The following SYNE1 variants were observed in gnomAD, a reference collection of about 807,000 sequenced individuals.
SYNE1 encodes the protein nesprin-1.
In SYNE1, 616 loss-of-function variants were observed where a neutral mutation model predicts 1,111.0. The ratio of observed to expected loss-of-function variants is 0.55; its 90% CI spans 0.52 to 0.59. The LOEUF (loss-of-function observed/expected upper bound fraction) is 0.59. Ranked by LOEUF, SYNE1 falls within the 20% of genes least tolerant of loss-of-function variation. The pLI, the probability that SYNE1 is intolerant of heterozygous loss-of-function variation, is 0.00. For missense variants in SYNE1, 10,006 were observed against 10,417.0 expected (o/e 0.96, Z 1.72); for synonymous variants, 3,855 against 3,825.8 (o/e 1.01, Z -0.28).
chr6:152,295,680 G>A (rs1753307338), intron 93 of SYNE1, among the ~76,000 whole-genome samples: 1 of 151,884 alleles, frequency 6.6e-6, no homozygotes, highest in South Asian at 2.1e-4. Flanking sequence ...AATCCAAGCT[G>A]TCAAGGAGAT....
At chr6:152,329,616 G>A in intron 78 of SYNE1, 114 bp downstream of exon 78, 2 of 1,324,078 alleles carry the variant, frequency 1.5e-6, no homozygotes, top group Non-Finnish European at 2.1e-6. Context: ...CTTCTGTGTA[G>A]TATTTCGAAA....
In SYNE1 at chr6:152,387,155, C is replaced by T. The variant is rs746592797; in HGVS notation, c.8404G>A (p.Glu2802Lys). The change falls in exon 54 of 146, where the codon GAA becomes AAA. Residue 2802 changes from glutamate to lysine, a missense_variant. By Grantham distance (56) the Glu-to-Lys change is moderately conservative. Around this residue, in one of 7 missense-constraint regions of SYNE1, gnomAD observed 4,955 missense variants for 5,017.2 expected, o/e 0.99. Transcript: ENST00000367255. The stretch of plus-strand genomic sequence containing the variant: ...TTGAAAGACTCATCCTCTGTCTTTT[C>T]GTAGAGCTCCCTGGACTTCGCAATT... The part of the protein sequence containing the change: ...RLIAKSRELY[E>K]KTEDESFKDT... 1.7e-5 allele frequency: 28 copies of T among 1,614,186 alleles called. No homozygotes were observed. The South Asian group carries it at 1.9e-4, about 11-fold the overall frequency.
intron 53 of SYNE1, among the ~76,000 whole-genome samples, chr6:152,389,364 C>G (rs574337995): frequency 6.6e-6 from 1 of 152,268 alleles, no homozygotes; most frequent in African/African-American, 2.4e-5. Context: ...CCACCTTCCA[C>G]CCTCAAGGAG....
chr6:152,496,648 C>A (rs1290541389), intron 11 of SYNE1, among the ~76,000 whole-genome samples: 20 of 152,102 alleles, frequency 1.3e-4, no homozygotes, highest in Admixed American at 1.3e-3. Flanking sequence ...TCAGCCCAAT[C>A]CTGCTCGAAG....
At chr6:152,478,445 T>G (rs2098847904) in intron 14 of SYNE1, 1 of 152,142 alleles carries the variant, frequency 6.6e-6, no homozygotes, top group South Asian at 2.1e-4. Context: ...AGGACAGGAA[T>G]TACCTTTTGG....
At chr6:152,179,840 A>G (rs564637427) in intron 129 of SYNE1, among the ~76,000 whole-genome samples, 15 of 151,648 alleles carry the variant, frequency 9.9e-5, no homozygotes. Flanking sequence ...GCGCACCACC[A>G]CGCCAGGCTA....
chr6:152,598,412 C>G (rs2099588029), intron 3 of SYNE1, among the ~76,000 whole-genome samples: 2 of 152,152 alleles, frequency 1.3e-5, no homozygotes, highest in South Asian at 4.1e-4. Flanking sequence ...ATTGCCCTGT[C>G]TAGGGTATGT....
At chr6:152,426,205 A>G (rs1374845176) in intron 38 of SYNE1, among the ~76,000 whole-genome samples, 1 of 152,264 alleles carries the variant, frequency 6.6e-6, no homozygotes, top group Non-Finnish European at 1.5e-5. Flanking sequence ...TAATAATAAA[A>G]AAATATTAAG....
intron 145 of SYNE1, chr6:152,125,987 T>C (rs769782360): frequency 2.6e-5 from 4 of 152,430 alleles, no homozygotes; most frequent in Non-Finnish European, 5.9e-5. Flanking sequence ...TACTTGCCCA[T>C]TTTTGATAAA....
At chr6:152,536,398 A>ATATTACTATATATAGTTATATATATATAT (rs71017541) in intron 4 of SYNE1, among the ~76,000 whole-genome samples, 1 of 129,378 alleles carries the variant, frequency 7.7e-6, no homozygotes, top group Non-Finnish European at 1.6e-5. Flanking sequence ...ATTTATATAT[A>ATATTACTATATATAGTTATATATATATAT]TACTATATAT....
At chr6:152,256,510 A>G (rs569399529) in intron 102 of SYNE1, 124 bp downstream of exon 102, 10 of 1,175,140 alleles carry the variant, frequency 8.5e-6, no homozygotes, top group Non-Finnish European at 1.1e-5. Flanking sequence ...TTCAGCGCTT[A>G]TCACTAGTGT....
intron 66 of SYNE1, among the ~76,000 whole-genome samples, chr6:152,355,871 T>C (rs148765660): frequency 6.6e-6 from 1 of 152,328 alleles, no homozygotes; most frequent in South Asian, 2.1e-4. Context: ...ATATTTTTCT[T>C]ACAAAAATAA....
chr6:152,330,878 C>G lies in SYNE1; in HGVS notation c.13807G>C (p.Ala4603Pro). 6.2e-7 allele frequency: 1 copy of G among 1,614,000 alleles called. No homozygotes were observed. The highest frequency in any genetic ancestry group is 8.5e-7 in the Non-Finnish European group (1 of 1,179,942). Reference sequence around the variant, plus strand: ...TGTTCAAGAATGTTTTGGTATTTAGCCAGTTGTGTATGAAGCTCAGAACTC... The same window carrying G: ...TGTTCAAGAATGTTTTGGTATTTAGGCAGTTGTGTATGAAGCTCAGAACTC... The part of the protein sequence containing the change: ...NESSELHTQL[A>P]KYQNILEQSP... The change falls in exon 78 of 146, where the codon GCT becomes CCT. Residue 4603 changes from alanine to proline, a missense_variant. This residue lies in a region of SYNE1 where 4,955 missense variants were observed against 5,017.2 expected (regional missense o/e 0.99). Coordinates refer to ENST00000367255, the MANE Select transcript of SYNE1 (RefSeq NM_182961.4).
chr6:152,625,853 CATA>C (rs2099684609), intron 3 of SYNE1, among the ~76,000 whole-genome samples: 1 of 152,152 alleles, frequency 6.6e-6, no homozygotes, highest in African/African-American at 2.4e-5. Flanking sequence ...AATGGCTCAC[CATA>C]TCACAGCATT....
rs376472604 is a variant in SYNE1 at position 152,262,040 on chromosome 6, C to G, written c.18964G>C (p.Glu6322Gln). 33 of 1,612,936 alleles carry G rather than the reference C, an allele frequency of 2.0e-5. No individual in the cohort carries two copies. The highest frequency in any genetic ancestry group is 2.8e-5 in the Non-Finnish European group (33 of 1,179,664). The change falls in exon 101 of 146, where the codon GAG (glutamate) becomes CAG (glutamine). Residue 6322 changes from glutamate to glutamine, a missense_variant. Coordinates refer to ENST00000367255, the MANE Select transcript of SYNE1 (RefSeq NM_182961.4). ...TGTAAAATATTTGATACCACTTGCT[C>G]TTGTTCCTGTTCCAGAACATTCTGT... ...LLQNVLEQEQ[E>Q]QVLYSRPNRL... is the part of the protein sequence containing the mutation.
intron 131 of SYNE1, among the ~76,000 whole-genome samples, chr6:152,158,130 C>T (rs1167119382): frequency 6.6e-6 from 1 of 152,134 alleles, no homozygotes; most frequent in Non-Finnish European, 1.5e-5. Context: ...TCCCTGGAGT[C>T]CCACAATGTG....
intron 6 of SYNE1, among the ~76,000 whole-genome samples, chr6:152,513,066 A>G (rs1463576072): frequency 6.6e-6 from 1 of 152,186 alleles, no homozygotes; most frequent in Non-Finnish European, 1.5e-5. Context: ...CCATTAAACC[A>G]GAAACTAAGG....
intron 55 of SYNE1, among the ~76,000 whole-genome samples, chr6:152,383,553 C>G (rs964370422): frequency 2.0e-5 from 3 of 152,180 alleles, no homozygotes; most frequent in African/African-American, 7.2e-5. Context: ...TCAGTGGCAT[C>G]ACACCCTCCT....
chr6:152,285,246 A>G (rs944049434), intron 95 of SYNE1, among the ~76,000 whole-genome samples: 1 of 152,032 alleles, frequency 6.6e-6, no homozygotes, highest in Non-Finnish European at 1.5e-5. Context: ...ACCCAGTCCA[A>G]TGGCTTTTAT....
Sources: allele counts gnomAD v4.1 joint callset (sites outside exome capture counted in the v4.1 genomes callset), GRCh38; gene constraint gnomAD v4.1.1; regional missense constraint gnomAD v4.1.1; transcripts MANE v1.5; gene names NCBI Gene and HGNC (gene_info 2026-07-23, HGNC 2026-07-21).